THEMIS: variants seen among roughly 807,000 people sequenced by gnomAD.
THEMIS encodes protein THEMIS.
THEMIS carries 37 observed loss-of-function variants against 52.6 expected under a neutral mutation model. That is an observed-to-expected ratio of 0.70 (90% CI 0.54 to 0.93). The LOEUF is 0.93. Among genes scored for constraint, THEMIS ranks in the 40% least tolerant of loss-of-function variants. THEMIS has a pLI of 0.00. For synonymous variants in THEMIS, 292 were observed against 272.7 expected (o/e 1.07, Z -0.70); for missense variants, 808 against 763.1 (o/e 1.06, Z -0.69).
At chr6:127,788,776 C>G (rs1777060789) in intron 4 of THEMIS, among the ~76,000 whole-genome samples, 1 of 152,048 alleles carries the variant, frequency 6.6e-6, no homozygotes, top group African/African-American at 2.4e-5. Context: ...CTCACTAACC[C>G]CTCCCTACTC....
At chr6:127,747,760 A>G (rs567206433) in intron 4 of THEMIS, among the ~76,000 whole-genome samples, 9 of 152,194 alleles carry the variant, frequency 5.9e-5, no homozygotes, top group South Asian at 2.1e-4. Context: ...CACACTAAAT[A>G]TTCTTCACAG....
intron 1 of THEMIS, among the ~76,000 whole-genome samples, chr6:127,895,233 C>A (rs1000233543): frequency 2.6e-5 from 4 of 151,192 alleles, no homozygotes; most frequent in Non-Finnish European, 4.4e-5. Flanking sequence ...TAACAAGGAA[C>A]TTTAGATGAT....
Position 127,855,117 on chromosome 6 carries a change from TGA to T in THEMIS, c.161_162del (p.Leu54GlnfsTer3). ...STGEVIKITG[L>X]KVKKIIAEIC... ...ATTTCAGCTATGATCTTCTTAACTT[TGA>T]GACCAGTAATTTTAATCACTTCTCC... is the stretch of plus-strand genomic sequence containing the variant. On this transcript the variant is annotated frameshift_variant, in exon 2 of 6. Transcript: ENST00000368248. LOFTEE classifies it high-confidence loss of function. The T allele has an allele frequency of 6.2e-7, 1 of 1,611,234 alleles. No homozygotes were observed. The highest frequency in any genetic ancestry group is 8.5e-7 in the Non-Finnish European group (1 of 1,178,460).
At chr6:127,867,635 G>A (rs1780024048) in intron 1 of THEMIS, among the ~76,000 whole-genome samples, 1 of 152,038 alleles carries the variant, frequency 6.6e-6, no homozygotes, top group Non-Finnish European at 1.5e-5. Flanking sequence ...ATTCAAGAAA[G>A]CTACACAATA....
intron 2 of THEMIS, among the ~76,000 whole-genome samples, chr6:127,835,855 G>A (rs866985526): frequency 6.6e-6 from 1 of 152,268 alleles, no homozygotes; most frequent in South Asian, 2.1e-4. Context: ...AATATTTCCA[G>A]GTTGCTTTGA....
intron 2 of THEMIS, among the ~76,000 whole-genome samples, chr6:127,841,702 A>G (rs1383363210): frequency 6.7e-5 from 7 of 104,938 alleles, no homozygotes; most frequent in Non-Finnish European, 1.2e-4. Flanking sequence ...TAATCTGATC[A>G]TGAACTAAAA....
At chr6:127,822,998 A>C (rs1191401528) in intron 3 of THEMIS, among the ~76,000 whole-genome samples, 1 of 152,134 alleles carries the variant, frequency 6.6e-6, no homozygotes. Flanking sequence ...ATTTACATAC[A>C]ATTTGTTTTA....
Position 127,859,903 on chromosome 6 carries a change from A to T in THEMIS, c.92-4715T>A, listed in dbSNP as rs186420140. 4.6e-5 allele frequency among the ~76,000 whole-genome samples: 7 copies of T among 152,268 alleles called. No homozygotes were observed. In the East Asian group the frequency reaches 1.4e-3, roughly 29 times the overall value. Reference sequence around the variant, plus strand: ...TGCCAGTGGAGATGCAACTTTGCTCATTATAAATAGGTGTGATTATTTTTT... The same window carrying T: ...TGCCAGTGGAGATGCAACTTTGCTCTTTATAAATAGGTGTGATTATTTTTT... On this transcript the variant is annotated intron_variant, in intron 1 of 5. Transcript: ENST00000368248.
chr6:127,707,320 G>T (rs1397522660), downstream of THEMIS, among the ~76,000 whole-genome samples: 2 of 152,154 alleles, frequency 1.3e-5, no homozygotes, highest in Non-Finnish European at 2.9e-5. Flanking sequence ...AGTACAGAGA[G>T]AGAATGGGAA....
intron 1 of THEMIS, among the ~76,000 whole-genome samples, chr6:127,869,682 T>G (rs1780096063): frequency 6.6e-6 from 1 of 152,152 alleles, no homozygotes; most frequent in Admixed American, 6.6e-5. Context: ...CCATCATATG[T>G]TCCAGATTTG....
intron 4 of THEMIS, among the ~76,000 whole-genome samples, chr6:127,790,784 A>T (rs906853424): frequency 6.6e-6 from 1 of 152,214 alleles, no homozygotes. Context: ...ATGAGCAAGC[A>T]TGGGGTCCAG....
chr6:127,910,896 T>C (rs1781395579), intron 1 of THEMIS, among the ~76,000 whole-genome samples: 1 of 152,176 alleles, frequency 6.6e-6, no homozygotes, highest in Non-Finnish European at 1.5e-5. Context: ...TTGGCCATTA[T>C]GTCTCCCTAG....
At chr6:127,812,394 A>G (rs1005663610) in intron 4 of THEMIS, among the ~76,000 whole-genome samples, 5 of 152,186 alleles carry the variant, frequency 3.3e-5, no homozygotes, top group African/African-American at 1.2e-4. Context: ...CTGTTCTGCC[A>G]AGATATTTTT....
intron 4 of THEMIS, among the ~76,000 whole-genome samples, chr6:127,757,547 A>T (rs1775871118): frequency 6.6e-6 from 1 of 151,352 alleles, no homozygotes; most frequent in South Asian, 2.1e-4. Context: ...CAGTGGCGCT[A>T]TCTCGGCTCA....
intron 2 of THEMIS, among the ~76,000 whole-genome samples, chr6:127,854,488 C>A (rs1358006397): frequency 1.3e-5 from 2 of 151,610 alleles, no homozygotes; most frequent in Admixed American, 6.6e-5. Context: ...AAAGAGAAAT[C>A]TAGATTAGGT....
chr6:127,853,127 A>G (rs1227652269), intron 2 of THEMIS, among the ~76,000 whole-genome samples: 1 of 151,628 alleles, frequency 6.6e-6, no homozygotes, highest in Non-Finnish European at 1.5e-5. Context: ...AATAAATAAG[A>G]TTCAGATTCT....
At chr6:127,724,719 T>C (rs1476069026) in intron 4 of THEMIS, among the ~76,000 whole-genome samples, 1 of 152,102 alleles carries the variant, frequency 6.6e-6, no homozygotes, top group East Asian at 1.9e-4. Flanking sequence ...TGGCTTGTAT[T>C]TTGCATGTTG....
At position 127,840,876 on chromosome 6, in the gene THEMIS, T is replaced by C. The variant is rs780148990; in HGVS notation, c.251-10942A>G. On this transcript the variant is annotated intron_variant, in intron 2 of 5. Transcript: ENST00000368248. ...AGGCTACATACTATATGATTCCAAC[T>C]ATATGACGCTCTGAAAAAGGCAAAA... Among the ~76,000 whole-genome samples, 17 of 152,116 alleles carry C rather than the reference T, an allele frequency of 1.1e-4. 1 individual carries two copies. The highest frequency in any genetic ancestry group is 3.9e-4 in the East Asian group (2 of 5,156).
chr6:127,889,128 G>A (rs1303392067), intron 1 of THEMIS, among the ~76,000 whole-genome samples: 1 of 152,142 alleles, frequency 6.6e-6, no homozygotes, highest in Non-Finnish European at 1.5e-5. Flanking sequence ...ATAGGCTATT[G>A]AAGATTTCAT....
Sources: gnomAD v4.1 joint callset for allele counts (sites outside exome capture counted in the v4.1 genomes callset) on GRCh38, gnomAD v4.1.1 for gene constraint, MANE v1.5 for transcripts, NCBI Gene and HGNC (gene_info 2026-07-23, HGNC 2026-07-21) for gene names.